Variants in GSE1 observed in about 807,000 individuals in gnomAD.
GSE1 encodes the protein genetic suppressor element 1.
In GSE1, 32 loss-of-function variants were observed where a neutral mutation model predicts 112.6. The ratio of observed to expected loss-of-function variants is 0.28; its 90% CI spans 0.21 to 0.38. The LOEUF (loss-of-function observed/expected upper bound fraction) is 0.38. GSE1 is among the 10% of genes least tolerant of loss of function. The probability of loss-of-function intolerance (pLI) is 1.00; values close to 1 mark genes in which losing one functional copy is unlikely to be tolerated. For missense variants in GSE1, 2,348 were observed against 1,699.2 expected (o/e 1.38, Z -6.71); for synonymous variants, 1,115 against 735.6 (o/e 1.52, Z -8.35).
At chr16:85,189,089 G>C (rs893565563) in intron 1 of GSE1, among the ~76,000 whole-genome samples, 11 of 152,202 alleles carry the variant, frequency 7.2e-5, no homozygotes, top group African/African-American at 2.7e-4. Context: ...GAAGAGCCAA[G>C]CTTGTTCCCA....
chr16:85,649,909 C>G (rs1306631560), intron 3 of GSE1, among the ~76,000 whole-genome samples: 1 of 152,160 alleles, frequency 6.6e-6, no homozygotes, highest in Non-Finnish European at 1.5e-5. Flanking sequence ...GGGAGCCAGC[C>G]TCAGTCCACA....
intron 1 of GSE1, among the ~76,000 whole-genome samples, chr16:85,203,733 G>C (rs1373202140): frequency 6.6e-6 from 1 of 152,126 alleles, no homozygotes; most frequent in Non-Finnish European, 1.5e-5. Flanking sequence ...ACCATAGTCA[G>C]TTTTACAAAA....
intron 1 of GSE1, among the ~76,000 whole-genome samples, chr16:85,197,701 C>A (rs948042031): frequency 6.6e-6 from 1 of 152,180 alleles, no homozygotes. Context: ...GTCCTGGCGT[C>A]CCCACTCTGT....
At chr16:85,551,964 C>A (rs894416148), upstream of GSE1, among the ~76,000 whole-genome samples, 2 of 152,210 alleles carry the variant, frequency 1.3e-5, no homozygotes, top group Non-Finnish European at 2.9e-5. Flanking sequence ...TACCCACCGC[C>A]AGCCAGGCCT....
exon 2 of GSE1, chr16:85,357,588 A>G (rs1471978132): frequency 7.8e-7 from 1 of 1,289,026 alleles, no homozygotes; most frequent in Admixed American, 2.3e-5. Flanking sequence ...AGCTGAGGCC[A>G]GCACAGTGTC....
At position 85,311,114 on chromosome 16, in the gene GSE1, G is replaced by A. The variant is rs1031575647; in HGVS notation, c.2284-46349G>A. Among the ~76,000 whole-genome samples, 5 of 152,238 alleles carry A rather than the reference G, an allele frequency of 3.3e-5. No individual in the cohort carries two copies. The highest frequency in any genetic ancestry group is 7.2e-5 in the African/African-American group (3 of 41,468). ...AGGGCATCTGACAGCCGTGGAGGAC[G>A]GCAGAGGGGAGGGCAGCCTGCTCCG... On this transcript the variant is annotated intron_variant, in intron 1 of 2. Coordinates refer to the GSE1 transcript ENST00000637419. The surrounding 1 kb of genome is among the most constrained non-coding windows in gnomAD (Gnocchi z 4.2).
chr16:85,418,407 G>A (rs2048751964), intron 2 of GSE1, among the ~76,000 whole-genome samples: 1 of 152,224 alleles, frequency 6.6e-6, no homozygotes, highest in Non-Finnish European at 1.5e-5. Context: ...CACACTGCTT[G>A]TCTCGTCTAC....
In GSE1 at chr16:85,310,073, C is replaced by A. The variant is rs539551977; in HGVS notation, c.2284-47390C>A. On this transcript the variant is annotated intron_variant, in intron 1 of 2. Transcript: ENST00000637419. ...CCCAGGCATAAGCCCAGGCATAAGC[C>A]ACTTAGCACGGCCTCACCCCTGTCC... Among the ~76,000 whole-genome samples, 16 of 152,366 alleles carry A rather than the reference C, an allele frequency of 1.1e-4. No homozygotes were observed. In the East Asian group the frequency reaches 2.9e-3, roughly 28 times the overall value.
At chr16:85,396,622 C>T (rs777547755) in intron 2 of GSE1, among the ~76,000 whole-genome samples, 44 of 152,342 alleles carry the variant, frequency 2.9e-4, no homozygotes, top group Admixed American at 7.2e-4. Context: ...CTCCTCCCTC[C>T]GATTGGGAGC....
chr16:85,601,887 G>A lies in GSE1; in HGVS notation c.37+45524G>A, dbSNP rs186891115. On this transcript the variant is annotated intron_variant, in intron 1 of 2. Coordinates refer to the GSE1 transcript ENST00000635906. ...TCTGCGTGCATCGCTTGTCGAGCCC[G>A]CGAGTGATAAAGGCAACTGGGACTT... Among the ~76,000 whole-genome samples the A allele has an allele frequency of 1.9e-3, 297 of 152,334 alleles. 4 individuals are homozygous for A. The highest frequency in any genetic ancestry group is 9.7e-3 in the Admixed American group (149 of 15,304).
intron 2 of GSE1, among the ~76,000 whole-genome samples, chr16:85,522,303 C>T (rs1041748090): frequency 1.3e-5 from 2 of 152,104 alleles, no homozygotes; most frequent in African/African-American, 4.8e-5. Flanking sequence ...TCAGGGCCGT[C>T]AGGACTGGGT....
chr16:85,194,198 TCC>T (rs1451200105), intron 1 of GSE1, among the ~76,000 whole-genome samples: 19 of 152,280 alleles, frequency 1.2e-4, no homozygotes, highest in African/African-American at 4.3e-4. Context: ...GGACTCCGTG[TCC>T]GGGCGCCCTT....
chr16:85,358,894 G>T (rs985250663), intron 2 of GSE1, among the ~76,000 whole-genome samples: 2 of 152,360 alleles, frequency 1.3e-5, no homozygotes, highest in African/African-American at 2.4e-5. Flanking sequence ...CATTGTCGGG[G>T]AGGAATGGCT....
In GSE1 at chr16:85,478,901, TTCTTTCTTTCTTTCTTTCTTTCTTTCTC is replaced by T. The variant is rs1567520617; in HGVS notation, c.2464+121260_2464+121287del. On this transcript the variant is annotated intron_variant, in intron 2 of 2. Coordinates refer to the GSE1 transcript ENST00000637419. ...TTTCTTTCTTTCTTTCTTTCTTTCT[TTCTTTCTTTCTTTCTTTCTTTCTTTCTC>T]TTTCTTTCTTTCTTTCTTTTTTTTT... Among the ~76,000 whole-genome samples, 320 of 78,776 alleles carry T rather than the reference TTCTTTCTTTCTTTCTTTCTTTCTTTCTC, an allele frequency of 4.1e-3. 9 individuals carry two copies. The highest frequency in any genetic ancestry group is 0.013 in the African/African-American group (212 of 16,462). 51.7% of individuals were successfully genotyped at this position (78,776 alleles called of 152,430 possible).
intron 2 of GSE1, among the ~76,000 whole-genome samples, chr16:85,435,313 C>T (rs1447984478): frequency 1.3e-5 from 2 of 152,038 alleles, no homozygotes; most frequent in Non-Finnish European, 2.9e-5. Context: ...CCACCACCCC[C>T]TCCCCCACTG....
At chr16:85,630,183 A>T (rs998265203) in intron 1 of GSE1, among the ~76,000 whole-genome samples, 2 of 152,060 alleles carry the variant, frequency 1.3e-5, no homozygotes, top group Admixed American at 6.5e-5. Flanking sequence ...CCTCCACTGG[A>T]GTGACCCAAG....
chr16:85,669,089 G>C (rs1206280829), intron 14 of GSE1, among the ~76,000 whole-genome samples: 1 of 152,274 alleles, frequency 6.6e-6, no homozygotes, highest in Non-Finnish European at 1.5e-5. Context: ...GGGCGTTGCA[G>C]CATTTGATGC....
At chr16:85,184,108 A>G (rs1448249876) in intron 1 of GSE1, among the ~76,000 whole-genome samples, 1 of 152,212 alleles carries the variant, frequency 6.6e-6, no homozygotes, top group African/African-American at 2.4e-5. Flanking sequence ...GTCAGGAAGG[A>G]ATGACAGGCT....
chr16:85,399,777 A>G (rs75444678), intron 2 of GSE1, among the ~76,000 whole-genome samples: 125 of 152,340 alleles, frequency 8.2e-4, no homozygotes, highest in African/African-American at 2.9e-3. Flanking sequence ...GGAAGAATGG[A>G]TTAGGAATCT....
Sources: gnomAD v4.1 joint callset for allele counts (sites outside exome capture counted in the v4.1 genomes callset) on GRCh38, gnomAD v4.1.1 for gene constraint, Gnocchi (gnomAD v3.1) non-coding constraint, MANE v1.5 for transcripts, NCBI Gene and HGNC (gene_info 2026-07-23, HGNC 2026-07-21) for gene names.